Variants in ST6GALNAC3 observed in about 807,000 individuals in gnomAD.
ST6GALNAC3 encodes the protein ST6 N-acetylgalactosaminide alpha-2,6-sialyltransferase 3, also known as alpha-N-acetylgalactosaminide alpha-2,6-sialyltransferase 3.
ST6GALNAC3 carries 25 observed loss-of-function variants against 32.7 expected under a neutral mutation model. The ratio of observed to expected loss-of-function variants is 0.76; its 90% CI spans 0.56 to 1.07. ST6GALNAC3 has a LOEUF of 1.07. ST6GALNAC3 is among the 50% of genes least tolerant of loss of function. The pLI, the probability that ST6GALNAC3 is intolerant of heterozygous loss-of-function variation, is 0.00. For missense variants in ST6GALNAC3, 355 were observed against 382.4 expected, an observed-to-expected ratio of 0.93 and a Z score of 0.60; for synonymous variants, 129 against 133.1, an observed-to-expected ratio of 0.97 and a Z score of 0.21.
At chr1:76,625,470 T>C (rs886736585) in intron 3 of ST6GALNAC3, among the ~76,000 whole-genome samples, 6 of 151,130 alleles carry the variant, frequency 4.0e-5, no homozygotes, top group African/African-American at 1.5e-4. Context: ...AAAAATAGTA[T>C]GAGAAAGAAG....
chr1:76,385,480 C>T (rs1486179232), intron 2 of ST6GALNAC3, among the ~76,000 whole-genome samples: 2 of 152,082 alleles, frequency 1.3e-5, no homozygotes, highest in Non-Finnish European at 2.9e-5. Flanking sequence ...AAACTCTCTG[C>T]ATCTCAGTTT....
intron 1 of ST6GALNAC3, among the ~76,000 whole-genome samples, chr1:76,214,594 C>T (rs1655353604): frequency 6.6e-6 from 1 of 152,108 alleles, no homozygotes; most frequent in South Asian, 2.1e-4. Context: ...ACTTCAGTGA[C>T]TGGAATAAAA....
intron 1 of ST6GALNAC3, among the ~76,000 whole-genome samples, chr1:76,264,791 T>G (rs1372703962): frequency 2.0e-5 from 3 of 152,124 alleles, no homozygotes; most frequent in African/African-American, 7.2e-5. Context: ...TAGTGGATAG[T>G]GTGACAGGTG....
At chr1:76,110,509 G>A (rs1221647817) in intron 1 of ST6GALNAC3, among the ~76,000 whole-genome samples, 1 of 152,250 alleles carries the variant, frequency 6.6e-6, no homozygotes, top group Non-Finnish European at 1.5e-5. Context: ...CAAAGTTCTG[G>A]CTTGCCACTA....
At chr1:76,133,625 C>T (rs1310678781) in intron 1 of ST6GALNAC3, among the ~76,000 whole-genome samples, 1 of 152,196 alleles carries the variant, frequency 6.6e-6, no homozygotes, top group Non-Finnish European at 1.5e-5. Context: ...GAAACATAAG[C>T]CCTTGCTTTT....
intron 1 of ST6GALNAC3, among the ~76,000 whole-genome samples, chr1:76,277,528 GTATATATATATATA>G (rs370795804): frequency 0.013 from 1,078 of 84,552 alleles, 11 homozygotes; most frequent in Non-Finnish European, 0.018. Context: ...ATGTTTATGT[GTATATATATATATA>G]TATATATATA....
At chr1:76,384,584 A>AT (rs1172413103) in intron 2 of ST6GALNAC3, among the ~76,000 whole-genome samples, 2 of 152,134 alleles carry the variant, frequency 1.3e-5, no homozygotes, top group African/African-American at 2.4e-5. Context: ...TACAGAATGC[A>AT]TTTTTTTCAA....
intron 3 of ST6GALNAC3, among the ~76,000 whole-genome samples, chr1:76,518,483 A>T (rs1662307915): frequency 1.3e-5 from 2 of 151,792 alleles, no homozygotes; most frequent in African/African-American, 4.8e-5. Context: ...AGCTTATTTT[A>T]TTAGGGTATT....
At chr1:76,286,412 G>C (rs1537784) in intron 1 of ST6GALNAC3, among the ~76,000 whole-genome samples, 19,260 of 152,166 alleles carry the variant, frequency 0.13, 1,816 homozygotes, top group East Asian at 0.27. Flanking sequence ...ACAAACCAGT[G>C]GCTCCCCCAC....
chr1:76,332,674 A>C (rs4408196), intron 2 of ST6GALNAC3, among the ~76,000 whole-genome samples: 13,258 of 152,182 alleles, frequency 0.087, 755 homozygotes, highest in Middle Eastern at 0.22. Flanking sequence ...TGTAGTCCTT[A>C]CGACCATTCA....
chr1:76,414,368 A>G (rs1486141657), intron 3 of ST6GALNAC3, among the ~76,000 whole-genome samples: 1 of 152,092 alleles, frequency 6.6e-6, no homozygotes. Context: ...ACAAGAGAAG[A>G]CAACTATGCT....
intron 1 of ST6GALNAC3, among the ~76,000 whole-genome samples, chr1:76,138,764 G>C (rs574001791): frequency 6.6e-6 from 1 of 152,272 alleles, no homozygotes; most frequent in South Asian, 2.1e-4. Context: ...CAATGCAAAG[G>C]ACTTCCAGGT....
At chr1:76,558,760 T>C (rs1355127803) in intron 3 of ST6GALNAC3, among the ~76,000 whole-genome samples, 1 of 152,098 alleles carries the variant, frequency 6.6e-6, no homozygotes, top group Non-Finnish European at 1.5e-5. Flanking sequence ...AAGTTGAAAA[T>C]AAAGTAAAAT....
At chr1:76,475,551 G>A (rs1208738178) in intron 3 of ST6GALNAC3, among the ~76,000 whole-genome samples, 1 of 152,048 alleles carries the variant, frequency 6.6e-6, no homozygotes, top group Non-Finnish European at 1.5e-5. Flanking sequence ...AGAAACTTGG[G>A]CCAACTGCAT....
At chr1:76,214,599 AT>A (rs374274948) in intron 1 of ST6GALNAC3, among the ~76,000 whole-genome samples, 6 of 152,350 alleles carry the variant, frequency 3.9e-5, no homozygotes, top group African/African-American at 4.8e-5. Context: ...AGTGACTGGA[AT>A]AAAAATCTAA....
intron 1 of ST6GALNAC3, among the ~76,000 whole-genome samples, chr1:76,143,495 A>G (rs1357211560): frequency 6.6e-6 from 1 of 151,084 alleles, no homozygotes; most frequent in East Asian, 2.0e-4. Context: ...TACAGCCCCC[A>G]TTTTTCTTTG....
chr1:76,385,006 G>A (rs1048737216), intron 2 of ST6GALNAC3, among the ~76,000 whole-genome samples: 1 of 152,046 alleles, frequency 6.6e-6, no homozygotes, highest in African/African-American at 2.4e-5. Flanking sequence ...TGCAGAGAAT[G>A]CATACCATAA....
At chr1:76,371,577 G>A (rs74092909) in intron 2 of ST6GALNAC3, among the ~76,000 whole-genome samples, 1,619 of 152,314 alleles carry the variant, frequency 0.011, 36 homozygotes, top group African/African-American at 0.037. Context: ...TATTTGGAAA[G>A]AGTGGTTGGG....
chr1:76,322,213 A>G (rs1415387570), intron 2 of ST6GALNAC3, among the ~76,000 whole-genome samples: 1 of 152,202 alleles, frequency 6.6e-6, no homozygotes, highest in East Asian at 1.9e-4. Context: ...GTCCTGATGT[A>G]GAGAGTTTTT....
Sources: gnomAD v4.1 joint callset for allele counts (sites outside exome capture counted in the v4.1 genomes callset) on GRCh38, gnomAD v4.1.1 for gene constraint, MANE v1.5 for transcripts, NCBI Gene and HGNC (gene_info 2026-07-23, HGNC 2026-07-21) for gene names.